RAB3C: variants seen among roughly 807,000 people sequenced by gnomAD.
RAB3C encodes ras-related protein Rab-3C.
In RAB3C, 17 loss-of-function variants were observed where a neutral mutation model predicts 26.4. The ratio of observed to expected loss-of-function variants is 0.64; its 90% CI spans 0.44 to 0.97. The LOEUF (loss-of-function observed/expected upper bound fraction) is 0.97. Ranked by LOEUF, RAB3C falls within the 50% of genes least tolerant of loss-of-function variation. RAB3C has a pLI of 0.00. For missense variants in RAB3C, 242 were observed against 281.9 expected, an observed-to-expected ratio of 0.86 and a Z score of 1.01; for synonymous variants, 91 against 95.9, an observed-to-expected ratio of 0.95 and a Z score of 0.30.
chr5:58,583,005 A>C, upstream of RAB3C: 1 of 1,373,108 alleles, frequency 7.3e-7, no homozygotes, highest in Non-Finnish European at 9.5e-7. Context: ...GGAGGGCGAG[A>C]CTACAGCTCC....
intron 2 of RAB3C, among the ~76,000 whole-genome samples, chr5:58,695,464 T>G (rs932407403): frequency 2.0e-5 from 3 of 152,216 alleles, no homozygotes; most frequent in Non-Finnish European, 4.4e-5. Context: ...GTGAAGAAAG[T>G]CATTGGTAGC....
At chr5:58,804,171 A>G (rs979948508) in intron 3 of RAB3C, among the ~76,000 whole-genome samples, 1 of 152,032 alleles carries the variant, frequency 6.6e-6, no homozygotes, top group Non-Finnish European at 1.5e-5. Flanking sequence ...CACTGGTGGC[A>G]TGTCTTAAGA....
At chr5:58,699,328 C>G (rs1055988736) in intron 2 of RAB3C, among the ~76,000 whole-genome samples, 8 of 152,326 alleles carry the variant, frequency 5.3e-5, no homozygotes, top group Middle Eastern at 6.8e-3. Flanking sequence ...CTGATCCTTC[C>G]TCTGGAAGCT....
chr5:58,746,319 T>G (rs940482682), intron 3 of RAB3C, among the ~76,000 whole-genome samples: 13 of 152,156 alleles, frequency 8.5e-5, no homozygotes, highest in African/African-American at 3.1e-4. Context: ...TCTACACTTT[T>G]TATCACCTTT....
Position 58,587,675 on chromosome 5 carries a change from A to G in RAB3C, c.24+4443A>G, listed in dbSNP as rs185759430. Among the ~76,000 whole-genome samples the G allele has an allele frequency of 4.8e-4, 73 of 152,348 alleles. 1 individual carries two copies. Among genetic ancestry groups the G allele is most frequent in the African/African-American group, 1.6e-3 (68 of 41,588 alleles). ...GTAACACACACCATTATAAAGATAT[A>G]GAACATTTCTAATCATCCCTGAGTA... is the stretch of plus-strand genomic sequence containing the variant. On this transcript the variant is annotated intron_variant, in intron 1 of 4. Transcript: ENST00000282878.
At chr5:58,760,762 T>G (rs1395307682) in intron 3 of RAB3C, among the ~76,000 whole-genome samples, 1 of 152,208 alleles carries the variant, frequency 6.6e-6, no homozygotes, top group Non-Finnish European at 1.5e-5. Flanking sequence ...TATGGTGCAC[T>G]TGAAAACAAC....
chr5:58,715,341 C>T (rs1277190745), intron 2 of RAB3C, among the ~76,000 whole-genome samples: 1 of 151,322 alleles, frequency 6.6e-6, no homozygotes, highest in East Asian at 1.9e-4. Flanking sequence ...AAAAATATTG[C>T]AATAAAGAAA....
At chr5:58,583,569 T>C (rs990150430) in intron 1 of RAB3C, among the ~76,000 whole-genome samples, 4 of 152,126 alleles carry the variant, frequency 2.6e-5, no homozygotes, top group African/African-American at 9.7e-5. Context: ...ATCCGGGGTT[T>C]GAGATCGCGG....
chr5:58,851,965 T>C lies in RAB3C; in HGVS notation c.*614T>C, dbSNP rs1335031946. 1 of 152,162 alleles carries C rather than the reference T, an allele frequency of 6.6e-6. No homozygotes were observed. Among genetic ancestry groups the C allele is most frequent in the East Asian group, 1.9e-4 (1 of 5,188 alleles). 9.4% of individuals were successfully genotyped at this position (152,162 alleles called of 1,614,324 possible). On this transcript the variant is annotated 3_prime_UTR_variant, in exon 5 of 5. Coordinates refer to ENST00000282878, the MANE Select transcript of RAB3C (RefSeq NM_138453.4). Reference sequence around the variant, plus strand: ...GGCCTATAAAGAAATTGAAATGTTGTTTTTAAGGTCCTTGCAATTTTCCTA... The same window carrying C: ...GGCCTATAAAGAAATTGAAATGTTGCTTTTAAGGTCCTTGCAATTTTCCTA...
chr5:58,686,739 C>A (rs978779049), intron 2 of RAB3C, among the ~76,000 whole-genome samples: 1 of 152,006 alleles, frequency 6.6e-6, no homozygotes, highest in South Asian at 2.1e-4. Context: ...AGAGCCAGCT[C>A]TCTTAATCAA....
intron 3 of RAB3C, among the ~76,000 whole-genome samples, chr5:58,753,423 T>G (rs1741577208): frequency 6.6e-6 from 1 of 152,140 alleles, no homozygotes; most frequent in African/African-American, 2.4e-5. Flanking sequence ...TATAAATACA[T>G]AAGTAACCCC....
intron 3 of RAB3C, among the ~76,000 whole-genome samples, chr5:58,782,888 G>A (rs1463148937): frequency 5.9e-5 from 9 of 151,988 alleles, no homozygotes; most frequent in Admixed American, 5.9e-4. Flanking sequence ...TTTAAAATAT[G>A]AAGGCTTTTC....
intron 3 of RAB3C, among the ~76,000 whole-genome samples, chr5:58,807,753 G>T (rs1742975186): frequency 6.6e-6 from 1 of 151,872 alleles, no homozygotes; most frequent in Non-Finnish European, 1.5e-5. Flanking sequence ...GGTATTATTA[G>T]GGCTTCAACA....
intron 1 of RAB3C, among the ~76,000 whole-genome samples, chr5:58,604,784 C>T (rs1189846295): frequency 1.3e-5 from 2 of 152,216 alleles, no homozygotes; most frequent in Non-Finnish European, 2.9e-5. Context: ...GTGAAGTCTG[C>T]AAGCTGGATT....
intron 2 of RAB3C, among the ~76,000 whole-genome samples, chr5:58,680,180 A>C (rs1748317812): frequency 6.6e-6 from 1 of 152,132 alleles, no homozygotes; most frequent in Non-Finnish European, 1.5e-5. Context: ...TTCCCTTTTA[A>C]AAAAAATGAG....
At chr5:58,781,267 T>C (rs1742263769) in intron 3 of RAB3C, among the ~76,000 whole-genome samples, 1 of 152,146 alleles carries the variant, frequency 6.6e-6, no homozygotes. Context: ...GGTGAGAGAA[T>C]GATCTGCTGC....
At chr5:58,673,422 TTTC>T (rs1403006008) in intron 2 of RAB3C, among the ~76,000 whole-genome samples, 2 of 151,392 alleles carry the variant, frequency 1.3e-5, no homozygotes, top group Non-Finnish European at 2.9e-5. Flanking sequence ...GAGCGGTTTC[TTTC>T]TTCTTCTCAA....
intron 1 of RAB3C, among the ~76,000 whole-genome samples, chr5:58,592,537 A>G (rs1746156482): frequency 6.6e-6 from 1 of 151,990 alleles, no homozygotes; most frequent in Non-Finnish European, 1.5e-5. Context: ...CATAGTTTCT[A>G]TCTGGTATCA....
At chr5:58,708,197 C>T (rs1233576520) in intron 2 of RAB3C, among the ~76,000 whole-genome samples, 2 of 151,938 alleles carry the variant, frequency 1.3e-5, no homozygotes, top group African/African-American at 4.8e-5. Flanking sequence ...GCGATGTTGC[C>T]CAGGCTGGTC....
Sources: gnomAD v4.1 joint callset for allele counts (sites outside exome capture counted in the v4.1 genomes callset) on GRCh38, gnomAD v4.1.1 for gene constraint, MANE v1.5 for transcripts, NCBI Gene and HGNC (gene_info 2026-07-23, HGNC 2026-07-21) for gene names.